Variants in OSBP observed in about 807,000 individuals in gnomAD.
OSBP encodes the protein oxysterol-binding protein 1.
A neutral mutation model predicts 96.6 loss-of-function variants in OSBP; 32 were observed. The observed-to-expected ratio is 0.33, with a 90% CI of 0.25 to 0.45. The LOEUF (loss-of-function observed/expected upper bound fraction) is 0.45. OSBP is among the 20% of genes least tolerant of loss of function. OSBP has a pLI of 1.00. For missense variants in OSBP, 653 were observed against 1,029.7 expected (o/e 0.63, Z 5.01); for synonymous variants, 369 against 389.6 (o/e 0.95, Z 0.62).
At position 59,601,790 on chromosome 11, in the gene OSBP, G is replaced by C; in HGVS notation, c.871C>G (p.Gln291Glu). 6.2e-7 allele frequency: 1 copy of C among 1,614,144 alleles called. No individual in the cohort carries two copies. The highest frequency in any genetic ancestry group is 8.5e-7 in the Non-Finnish European group (1 of 1,180,024). ...MLAQTHSKKW[Q>E]KSLQYERDQR... ...TCTCTTTCATACTGTAGTGACTTTT[G>C]CCATTTTTTACTATGGGTCTGGGCT... is the stretch of plus-strand genomic sequence containing the variant. The change falls in exon 4 of 14, where the codon CAA (glutamine) becomes GAA (glutamate). Residue 291 changes from glutamine to glutamate, a missense_variant. Gln to Glu is a conservative substitution (Grantham distance 29). Transcript: ENST00000263847.
At chr11:59,582,762 T>C (rs1860436215) in intron 9 of OSBP, among the ~76,000 whole-genome samples, 1 of 152,152 alleles carries the variant, frequency 6.6e-6, no homozygotes, top group South Asian at 2.1e-4. Context: ...TCTGGGTGGG[T>C]AGTGTCAGAA....
At chr11:59,614,811 A>AG (rs1215213889) in intron 1 of OSBP, among the ~76,000 whole-genome samples, 2 of 152,224 alleles carry the variant, frequency 1.3e-5, no homozygotes, top group African/African-American at 2.4e-5. Flanking sequence ...CTGAATGTGA[A>AG]GGGAGCAAGG....
intron 5 of OSBP, 63 bp from the exon 6 acceptor site, chr11:59,600,936 C>T (rs1308749321): frequency 1.4e-6 from 2 of 1,389,224 alleles, no homozygotes; most frequent in African/African-American, 1.4e-5. Context: ...TGGTCCTGGA[C>T]ATTTCTTTAC....
intron 12 of OSBP, among the ~76,000 whole-genome samples, chr11:59,577,826 G>A (rs1231077270): frequency 6.6e-6 from 1 of 152,202 alleles, no homozygotes; most frequent in Non-Finnish European, 1.5e-5. Flanking sequence ...TTAACAGGTG[G>A]TAGGCACCTT....
chr11:59,604,804 A>C (rs1346308230), intron 3 of OSBP, among the ~76,000 whole-genome samples: 1 of 151,182 alleles, frequency 6.6e-6, no homozygotes, highest in African/African-American at 2.4e-5. Context: ...GCAGTGAGCT[A>C]TGATGGTGCC....
chr11:59,611,518 A>G (rs1296660046), intron 1 of OSBP, among the ~76,000 whole-genome samples: 2 of 152,230 alleles, frequency 1.3e-5, no homozygotes, highest in Non-Finnish European at 2.9e-5. Context: ...GTTATATCGC[A>G]GAAGTGTAAA....
intron 9 of OSBP, among the ~76,000 whole-genome samples, chr11:59,589,760 G>A (rs961493463): frequency 9.9e-5 from 15 of 151,510 alleles, no homozygotes; most frequent in Admixed American, 9.2e-4. Flanking sequence ...CAAGGTGGGC[G>A]GATCATGAGG....
rs1267433534 is a variant in OSBP, at chr11:59,574,581, T to A, written c.*1996A>T. 1 of 152,574 alleles carries A rather than the reference T, an allele frequency of 6.6e-6. No homozygotes were observed. Among genetic ancestry groups the A allele is most frequent in the Non-Finnish European group, 1.5e-5 (1 of 68,030 alleles). 9.5% of individuals were successfully genotyped at this position (152,574 alleles called of 1,614,324 possible). ...GGATCAGCCAGAAATGTAGTGCAGA[T>A]GGTGAAGGAAGAGAAGGGGATAAAG... is the stretch of plus-strand genomic sequence containing the variant. On this transcript the variant is annotated 3_prime_UTR_variant, in exon 14 of 14. Transcript: ENST00000263847.
At chr11:59,600,118 C>T (rs542523801) in intron 7 of OSBP, among the ~76,000 whole-genome samples, 9 of 152,206 alleles carry the variant, frequency 5.9e-5, no homozygotes, top group African/African-American at 1.9e-4. Context: ...TTGTCTGTGT[C>T]GTACTTTCCA....
Position 59,601,736 on chromosome 11 carries a change from C to G in OSBP, c.925G>C (p.Glu309Gln). The stretch of plus-strand genomic sequence containing the variant: ...TGATTATGCTGCTTCGCCAGCTGCT[C>G]GAGGGTTTCTTCCAGTCGGATACGC... Reference protein sequence around the residue: ...DQRIRLEETLEQLAKQHNHLE... With the variant: ...DQRIRLEETLQQLAKQHNHLE... Residue 309 changes from glutamate to glutamine, a missense_variant, in exon 4 of 14, where the codon GAG (glutamate) becomes CAG (glutamine). This residue lies in a region of OSBP where 308 missense variants were observed against 573.1 expected (regional missense o/e 0.54). Coordinates refer to ENST00000263847, the MANE Select transcript of OSBP (RefSeq NM_002556.3). The G allele has an allele frequency of 6.2e-7, 1 of 1,614,104 alleles. No homozygotes were observed. Among genetic ancestry groups the G allele is most frequent in the Non-Finnish European group, 8.5e-7 (1 of 1,180,028 alleles).
Position 59,593,777 on chromosome 11 carries a change from C to T in OSBP, c.1558-53G>A, listed in dbSNP as rs944470834. 2.5e-6 allele frequency: 4 copies of T among 1,608,856 alleles called. No homozygotes were observed. The African/African-American group carries it at 4.0e-5, about 16-fold the overall frequency. ...CGGCAGAAAGGAGAAGAAAAAGATA[C>T]TGCCTATAAATTGGTGAGAAACACC... On this transcript the variant is annotated intron_variant, in intron 8 of 13. Transcript: ENST00000263847.
Position 59,615,677 on chromosome 11 carries a change from C to A in OSBP, c.-13G>T. The stretch of plus-strand genomic sequence containing the variant: ...CCGTCGCCGCCATGAGCCGCCGCCG[C>A]CTGGAGATACAAGACCGGAACCGCC... On this transcript the variant is annotated 5_prime_UTR_variant, in exon 1 of 14. Transcript: ENST00000263847. 1 of 1,313,292 alleles carries A rather than the reference C, an allele frequency of 7.6e-7. No individual in the cohort carries two copies. Among genetic ancestry groups the A allele is most frequent in the Non-Finnish European group, 9.7e-7 (1 of 1,032,088 alleles). 81.4% of individuals were successfully genotyped at this position (1,313,292 alleles called of 1,614,324 possible). A position where few individuals can be genotyped will look rare whatever the true frequency, so the allele number is the denominator to read the frequency against.
At chr11:59,601,572 C>A (rs1860724909) in intron 4 of OSBP, 68 bp downstream of exon 4, 1 of 1,419,398 alleles carries the variant, frequency 7.0e-7, no homozygotes, top group Admixed American at 1.7e-5. Flanking sequence ...GTTTGGAGTT[C>A]TCCTATCAAC....
intron 6 of OSBP, 74 bp downstream of exon 6, chr11:59,600,745 C>CAA (rs367608218): frequency 3.8e-3 from 4,877 of 1,280,788 alleles, no homozygotes; most frequent in South Asian, 7.5e-3. Flanking sequence ...TAGCACTTCA[C>CAA]AAAAAAAAAA....
intron 3 of OSBP, among the ~76,000 whole-genome samples, chr11:59,604,381 A>T (rs1374219701): frequency 6.6e-6 from 1 of 152,148 alleles, no homozygotes; most frequent in Non-Finnish European, 1.5e-5. Flanking sequence ...CCCCATCTCT[A>T]TATAAAAATT....
chr11:59,613,349 G>C (rs78279656), intron 1 of OSBP, among the ~76,000 whole-genome samples: 3 of 152,208 alleles, frequency 2.0e-5, no homozygotes, highest in Non-Finnish European at 2.9e-5. Context: ...GAAGTTAAAA[G>C]TGGTAACAAA....
chr11:59,581,667 A>C, intron 9 of OSBP, 113 bp from the exon 10 acceptor site: 1 of 536,148 alleles, frequency 1.9e-6, no homozygotes, highest in South Asian at 2.5e-5. Flanking sequence ...TACTTTTAGA[A>C]ATAAAACAAT....
chr11:59,588,301 A>G (rs1860527005), intron 9 of OSBP, among the ~76,000 whole-genome samples: 1 of 152,162 alleles, frequency 6.6e-6, no homozygotes, highest in Non-Finnish European at 1.5e-5. Flanking sequence ...TGGGAGGCCA[A>G]GGCAGATGGA....
chr11:59,599,841 T>G (rs940641165), intron 7 of OSBP, among the ~76,000 whole-genome samples: 4 of 152,046 alleles, frequency 2.6e-5, no homozygotes, highest in Non-Finnish European at 5.9e-5. Flanking sequence ...ATGCGTGGGG[T>G]AGAGCCTCGC....
Sources: gnomAD v4.1 joint callset for allele counts (sites outside exome capture counted in the v4.1 genomes callset) on GRCh38, gnomAD v4.1.1 for gene constraint, gnomAD v4.1.1 regional missense constraint, MANE v1.5 for transcripts, NCBI Gene and HGNC (gene_info 2026-07-23, HGNC 2026-07-21) for gene names.